SETBP1: variants seen among roughly 807,000 people sequenced by gnomAD.
SETBP1 encodes SET-binding protein.
A neutral mutation model predicts 101.0 loss-of-function variants in SETBP1; 9 were observed. The ratio of observed to expected loss-of-function variants is 0.09; its 90% confidence interval spans 0.05 to 0.16. SETBP1 has a LOEUF of 0.16. SETBP1 is among the 10% of genes least tolerant of loss of function. The pLI is 1.00. For missense variants in SETBP1, 1,858 were observed against 2,033.8 expected, an observed-to-expected ratio of 0.91 and a Z score of 1.66; for synonymous variants, 818 against 788.5, an observed-to-expected ratio of 1.04 and a Z score of -0.63.
intron 2 of SETBP1, among the ~76,000 whole-genome samples, chr18:44,711,874 A>C (rs2069355913): frequency 6.6e-6 from 1 of 151,936 alleles, no homozygotes. Context: ...TTTCCATAAT[A>C]CCCCAGTGGA....
At chr18:44,831,425 T>G (rs373988731) in intron 2 of SETBP1, among the ~76,000 whole-genome samples, 1 of 152,236 alleles carries the variant, frequency 6.6e-6, no homozygotes, top group South Asian at 2.1e-4. Flanking sequence ...GACCTTTTCT[T>G]CCTTTGGGTT....
intron 3 of SETBP1, among the ~76,000 whole-genome samples, chr18:44,925,887 G>A (rs2070694815): frequency 6.6e-6 from 1 of 152,160 alleles, no homozygotes; most frequent in Non-Finnish European, 1.5e-5. Context: ...GAGAGGTTAG[G>A]TTACTTGCCC....
At chr18:44,759,417 A>G (rs543790335) in intron 2 of SETBP1, among the ~76,000 whole-genome samples, 1 of 152,272 alleles carries the variant, frequency 6.6e-6, no homozygotes, top group South Asian at 2.1e-4. Context: ...AAACTGAAAG[A>G]GCTTTCCGGG....
chr18:44,993,389 A>T (rs1452361544), intron 4 of SETBP1, among the ~76,000 whole-genome samples: 1 of 152,070 alleles, frequency 6.6e-6, no homozygotes, highest in East Asian at 1.9e-4. Context: ...TTATGATATG[A>T]CTACAATGAC....
At chr18:45,040,942 C>T (rs1447585330) in intron 5 of SETBP1, among the ~76,000 whole-genome samples, 1 of 152,194 alleles carries the variant, frequency 6.6e-6, no homozygotes, top group African/African-American at 2.4e-5. Flanking sequence ...ACCCCAGGTG[C>T]TGGAAGACAG....
intron 2 of SETBP1, among the ~76,000 whole-genome samples, chr18:44,773,828 C>G (rs368289779): frequency 1.5e-4 from 10 of 67,562 alleles, no homozygotes; most frequent in Admixed American, 6.9e-4. Flanking sequence ...CTCTCTGTCT[C>G]TCTCTGTTTA....
At chr18:44,993,440 A>G (rs150885660) in intron 4 of SETBP1, among the ~76,000 whole-genome samples, 135 of 152,202 alleles carry the variant, frequency 8.9e-4, no homozygotes, top group African/African-American at 3.0e-3. Context: ...AAATTAATAA[A>G]AGTATAAGAC....
intron 3 of SETBP1, among the ~76,000 whole-genome samples, chr18:44,887,092 T>A (rs2069666000): frequency 6.6e-6 from 1 of 152,122 alleles, no homozygotes; most frequent in South Asian, 2.1e-4. Flanking sequence ...TCTTAGTAGA[T>A]GTATGACCTT....
At chr18:45,019,633 G>A (rs994835936) in intron 4 of SETBP1, among the ~76,000 whole-genome samples, 2 of 152,034 alleles carry the variant, frequency 1.3e-5, no homozygotes, top group South Asian at 2.1e-4. Flanking sequence ...TGAGTACATG[G>A]ATGTTTTCCA....
chr18:44,917,794 G>T (rs531692112), intron 3 of SETBP1, among the ~76,000 whole-genome samples: 6 of 152,138 alleles, frequency 3.9e-5, no homozygotes, highest in Non-Finnish European at 4.4e-5. Flanking sequence ...CTCAAAGCCC[G>T]TGCATGGCAG....
chr18:44,905,629 C>A (rs1347446352), intron 3 of SETBP1, among the ~76,000 whole-genome samples: 1 of 152,172 alleles, frequency 6.6e-6, no homozygotes, highest in Non-Finnish European at 1.5e-5. Flanking sequence ...GCAGCCATGA[C>A]AGAAATGGGG....
intron 3 of SETBP1, 194 bp downstream of exon 3, chr18:44,869,477 C>T: frequency 1.6e-6 from 1 of 641,332 alleles, no homozygotes; most frequent in South Asian, 1.7e-5. Context: ...GACAAAACCA[C>T]CTCTTTCTGC....
At chr18:44,788,996 T>C (rs1294393550) in intron 2 of SETBP1, among the ~76,000 whole-genome samples, 2 of 151,638 alleles carry the variant, frequency 1.3e-5, no homozygotes, top group Non-Finnish European at 2.9e-5. Context: ...AGAAACAGGG[T>C]TTTAACATGT....
intron 2 of SETBP1, among the ~76,000 whole-genome samples, chr18:44,749,225 C>G (rs1366319182): frequency 6.6e-6 from 1 of 152,196 alleles, no homozygotes; most frequent in Admixed American, 6.5e-5. Flanking sequence ...CTGTTACATT[C>G]ATTACCCCTC....
At chr18:44,876,859 G>A in intron 3 of SETBP1, 2 of 1,414,658 alleles carry the variant, frequency 1.4e-6, no homozygotes, top group Non-Finnish European at 1.9e-6. Context: ...ACAGCATTTG[G>A]GCTTATGATC....
intron 2 of SETBP1, among the ~76,000 whole-genome samples, chr18:44,744,619 C>G (rs2070184699): frequency 6.6e-6 from 1 of 152,246 alleles, no homozygotes; most frequent in Non-Finnish European, 1.5e-5. Flanking sequence ...CGCACCCAGT[C>G]TCTCGCAGCA....
intron 4 of SETBP1, chr18:44,986,946 ATT>A (rs1160279420): frequency 1.6e-3 from 241 of 151,868 alleles, no homozygotes; most frequent in African/African-American, 5.3e-3. Flanking sequence ...ATAGTATTGT[ATT>A]GTATTGTATT....
At chr18:44,879,391 A>G (rs1411030370) in intron 3 of SETBP1, among the ~76,000 whole-genome samples, 1 of 152,164 alleles carries the variant, frequency 6.6e-6, no homozygotes, top group Non-Finnish European at 1.5e-5. Context: ...GATACCTACC[A>G]TGGGGTTTTG....
intron 4 of SETBP1, among the ~76,000 whole-genome samples, chr18:44,957,547 C>T (rs748874009): frequency 2.6e-5 from 4 of 152,118 alleles, no homozygotes; most frequent in Non-Finnish European, 5.9e-5. Context: ...CCAAATTCTG[C>T]CATGTAGGTA....
Sources: allele counts gnomAD v4.1 joint callset (sites outside exome capture counted in the v4.1 genomes callset), GRCh38; gene constraint gnomAD v4.1.1; transcripts MANE v1.5; gene names NCBI Gene and HGNC (gene_info 2026-07-23, HGNC 2026-07-21).